VPS54: variants seen among roughly 807,000 people sequenced by gnomAD.
The protein encoded by VPS54 is vacuolar protein sorting-associated protein 54.
In VPS54, 45 loss-of-function variants were observed where a neutral mutation model predicts 121.5. That is an observed-to-expected ratio of 0.37 (90% CI 0.29 to 0.47). The LOEUF is 0.47. Among genes scored for constraint, VPS54 ranks in the 20% least tolerant of loss-of-function variants. The probability of loss-of-function intolerance (pLI) is 0.99; values close to 1 mark genes in which losing one functional copy is unlikely to be tolerated. For missense variants in VPS54, 1,090 were observed against 1,131.4 expected, an observed-to-expected ratio of 0.96 and a Z score of 0.52; for synonymous variants, 371 against 385.8, an observed-to-expected ratio of 0.96 and a Z score of 0.45.
In VPS54 at chr2:63,933,871, T is replaced by TCA. The variant is rs1424866674; in HGVS notation, c.1539_1540dup (p.Glu514ValfsTer6). ...GAATGCATCACTTATAAACATGCCT[T>TCA]CATGGATTAAATAAGCCACCTCTGT... On this transcript the variant is annotated frameshift_variant, in exon 12 of 23. Coordinates refer to ENST00000272322, the MANE Select transcript of VPS54 (RefSeq NM_016516.3). LOFTEE classifies it high-confidence loss of function. 1 of 1,613,734 alleles carries TCA rather than the reference T, an allele frequency of 6.2e-7. No individual in the cohort carries two copies. The highest frequency in any genetic ancestry group is 8.5e-7 in the Non-Finnish European group (1 of 1,179,848).
At chr2:63,922,033 G>A (rs924958474) in intron 12 of VPS54, among the ~76,000 whole-genome samples, 1 of 152,310 alleles carries the variant, frequency 6.6e-6, no homozygotes, top group East Asian at 1.9e-4. Flanking sequence ...TTATAATTAT[G>A]AATGAGTATA....
chr2:64,003,779 A>G (rs902882073), intron 1 of VPS54, among the ~76,000 whole-genome samples: 1 of 152,246 alleles, frequency 6.6e-6, no homozygotes, highest in South Asian at 2.1e-4. Context: ...ATAGCTCAAA[A>G]TATCTTTTTA....
At chr2:63,956,091 C>A (rs80074390) in intron 7 of VPS54, among the ~76,000 whole-genome samples, 142 of 152,264 alleles carry the variant, frequency 9.3e-4, no homozygotes, top group African/African-American at 3.1e-3. Flanking sequence ...ACAGTGACCT[C>A]TGTGCTGTTC....
At chr2:63,987,810 ATTTC>A (rs907953408) in intron 1 of VPS54, among the ~76,000 whole-genome samples, 7 of 151,908 alleles carry the variant, frequency 4.6e-5, no homozygotes, top group Non-Finnish European at 1.0e-4. Flanking sequence ...TACTTTCTTG[ATTTC>A]TTTTTCACAT....
intron 9 of VPS54, among the ~76,000 whole-genome samples, chr2:63,946,371 T>C (rs987356601): frequency 6.6e-6 from 1 of 152,152 alleles, no homozygotes; most frequent in Admixed American, 6.6e-5. Context: ...GGTGAACTTA[T>C]ATACATATTT....
intron 1 of VPS54, among the ~76,000 whole-genome samples, chr2:63,992,746 T>C (rs189375353): frequency 5.9e-5 from 9 of 152,386 alleles, no homozygotes; most frequent in Non-Finnish European, 8.8e-5. Flanking sequence ...ATTAAACCTA[T>C]AGGAGCCTTC....
Position 63,949,159 on chromosome 2 carries a change from A to C in VPS54, c.1015T>G (p.Leu339Val). The C allele has an allele frequency of 6.9e-6, 11 of 1,604,594 alleles. No homozygotes were observed. Among genetic ancestry groups the C allele is most frequent in the Non-Finnish European group, 9.3e-6 (11 of 1,177,982 alleles). The change falls in exon 8 of 23, where the codon TTG becomes GTG. Residue 339 changes from leucine to valine, a missense_variant. Around this residue, in one of 2 missense-constraint regions of VPS54, gnomAD observed 801 missense variants for 757.0 expected, o/e 1.06. Coordinates refer to ENST00000272322, the MANE Select transcript of VPS54 (RefSeq NM_016516.3). ...ELQGIHSFRH[L>V]GSQLCELEKL... ...TCTAATTCACAAAGCTGTGATCCCA[A>C]ATGCCTAAAAAGGAAGAGAAAAATG...
chr2:63,936,761 C>T (rs1024879190), intron 11 of VPS54, among the ~76,000 whole-genome samples: 2 of 152,094 alleles, frequency 1.3e-5, no homozygotes, highest in African/African-American at 4.8e-5. Context: ...GATTTCAAAA[C>T]TTACAAGACT....
chr2:63,978,568 A>G (rs1306663094), intron 3 of VPS54, among the ~76,000 whole-genome samples: 1 of 152,222 alleles, frequency 6.6e-6, no homozygotes, highest in African/African-American at 2.4e-5. Context: ...GTGGAAAGGT[A>G]TTTAACTATA....
intron 15 of VPS54, among the ~76,000 whole-genome samples, chr2:63,918,784 C>G (rs572454449): frequency 1.3e-5 from 2 of 151,938 alleles, no homozygotes; most frequent in Non-Finnish European, 2.9e-5. Context: ...TCTTTAGCTA[C>G]TATTTCATCA....
chr2:64,006,776 G>A (rs1349805714), intron 1 of VPS54, among the ~76,000 whole-genome samples: 5 of 152,050 alleles, frequency 3.3e-5, no homozygotes, highest in East Asian at 1.9e-4. Flanking sequence ...ATGCCACCAC[G>A]CCCAGCTAAT....
chr2:63,907,726 C>T (rs994881003), intron 20 of VPS54, among the ~76,000 whole-genome samples: 1 of 152,062 alleles, frequency 6.6e-6, no homozygotes, highest in South Asian at 2.1e-4. Flanking sequence ...ATATAAGGAA[C>T]ACTTATAAGA....
chr2:63,998,075 TTCCAACC>T (rs1305447514), intron 1 of VPS54, among the ~76,000 whole-genome samples: 1 of 152,202 alleles, frequency 6.6e-6, no homozygotes, highest in African/African-American at 2.4e-5. Context: ...TCTTCTTTAT[TTCCAACC>T]TGTTTCTTTG....
intron 3 of VPS54, chr2:63,975,368 T>A (rs1441412981): frequency 5.1e-6 from 1 of 195,372 alleles, no homozygotes; most frequent in African/African-American, 2.3e-5. Context: ...ACCACCTTCT[T>A]GCCTGGGGGC....
intron 1 of VPS54, among the ~76,000 whole-genome samples, chr2:64,006,686 C>T (rs968275718): frequency 9.9e-5 from 15 of 152,186 alleles, no homozygotes; most frequent in African/African-American, 2.4e-4. Context: ...GGTGCAATCG[C>T]GGCTTCACTG....
At chr2:63,980,082 G>A (rs1002445428) in intron 3 of VPS54, among the ~76,000 whole-genome samples, 5 of 152,094 alleles carry the variant, frequency 3.3e-5, no homozygotes, top group Admixed American at 3.3e-4. Flanking sequence ...ATTATGAATA[G>A]CTACTTTGCC....
chr2:64,006,478 C>T (rs1463273490), intron 1 of VPS54, among the ~76,000 whole-genome samples: 1 of 152,194 alleles, frequency 6.6e-6, no homozygotes, highest in African/African-American at 2.4e-5. Flanking sequence ...CTTCCTAAGT[C>T]TGTTTCCTAA....
intron 1 of VPS54, among the ~76,000 whole-genome samples, chr2:64,005,033 C>T (rs1420421223): frequency 6.6e-6 from 1 of 150,396 alleles, no homozygotes; most frequent in African/African-American, 2.4e-5. Context: ...CCACATCAGC[C>T]TCCCAGAGTG....
chr2:63,919,720 AT>A (rs1195792350), intron 15 of VPS54, among the ~76,000 whole-genome samples, 162 bp downstream of exon 15: 1 of 152,140 alleles, frequency 6.6e-6, no homozygotes, highest in Non-Finnish European at 1.5e-5. Flanking sequence ...ATTTGAAATA[AT>A]TATTATAAAT....
Sources: gnomAD v4.1 joint callset for allele counts (sites outside exome capture counted in the v4.1 genomes callset) on GRCh38, gnomAD v4.1.1 for gene constraint, gnomAD v4.1.1 regional missense constraint, MANE v1.5 for transcripts, NCBI Gene and HGNC (gene_info 2026-07-23, HGNC 2026-07-21) for gene names.